DNAJC5B: variants seen among roughly 807,000 people sequenced by gnomAD.
DNAJC5B encodes the protein DnaJ heat shock protein family (Hsp40) member C5 beta.
A neutral mutation model predicts 24.7 loss-of-function variants in DNAJC5B; 23 were observed. The observed-to-expected ratio is 0.93, with a 90% confidence interval of 0.67 to 1.32. DNAJC5B has a LOEUF of 1.32. DNAJC5B is among the 40% of genes most tolerant of loss of function. DNAJC5B has a pLI of 0.00. For synonymous variants in DNAJC5B, 101 were observed against 90.1 expected (o/e 1.12, Z -0.68); for missense variants, 238 against 240.8 (o/e 0.99, Z 0.08).
At chr8:66,091,127 A>G (rs919222849) in intron 5 of DNAJC5B, among the ~76,000 whole-genome samples, 8 of 152,196 alleles carry the variant, frequency 5.3e-5, no homozygotes, top group African/African-American at 1.7e-4. Flanking sequence ...TTTGCTGAGC[A>G]CTTAGTATTT....
chr8:66,080,986 T>A (rs965933075), intron 5 of DNAJC5B, among the ~76,000 whole-genome samples: 1 of 152,118 alleles, frequency 6.6e-6, no homozygotes, highest in African/African-American at 2.4e-5. Context: ...AACCCTTGAC[T>A]TTGCTTCTTT....
upstream of DNAJC5B, among the ~76,000 whole-genome samples, chr8:66,020,595 TGTGTG>T (rs1806088844): frequency 4.2e-3 from 2 of 476 alleles, no homozygotes; most frequent in Non-Finnish European, 4.0e-3. Flanking sequence ...ATCAATACTC[TGTGTG>T]TGTGTGTGTG....
At chr8:66,048,742 C>T (rs1290626067) in intron 2 of DNAJC5B, among the ~76,000 whole-genome samples, 5 of 152,066 alleles carry the variant, frequency 3.3e-5, no homozygotes, top group East Asian at 3.9e-4. Context: ...GATAGAAGGG[C>T]AATAATAGAA....
intron 5 of DNAJC5B, among the ~76,000 whole-genome samples, chr8:66,098,991 C>G (rs192063679): frequency 6.7e-6 from 1 of 149,628 alleles, no homozygotes; most frequent in Non-Finnish European, 1.5e-5. Context: ...CTGTCTGTCT[C>G]TCTCTGTCTC....
At position 66,021,585 on chromosome 8, in the gene DNAJC5B, GA is replaced by G. The variant is rs1342260086; in HGVS notation, c.-261del. ...GCAGTTACTGATATAGCCAAGGTGGGACACTACTGGAGGGAGCTAGAAGGGA... is the reference window on the plus strand; with the variant it reads ...GCAGTTACTGATATAGCCAAGGTGGGCACTACTGGAGGGAGCTAGAAGGGA... On this transcript the variant is annotated 5_prime_UTR_variant, in exon 1 of 6. Transcript: ENST00000276570. 6.6e-6 allele frequency: 1 copy of G among 152,286 alleles called. No individual in the cohort carries two copies. The highest frequency in any genetic ancestry group is 1.5e-5 in the Non-Finnish European group (1 of 68,102). The allele number at this position is 152,286 out of a possible 1,614,324, so 9.4% of individuals were successfully genotyped here.
At chr8:66,064,953 T>C (rs1472677275) in intron 3 of DNAJC5B, among the ~76,000 whole-genome samples, 1 of 152,220 alleles carries the variant, frequency 6.6e-6, no homozygotes, top group Non-Finnish European at 1.5e-5. Context: ...GAAAGCTACC[T>C]TAAAAAAAGA....
At chr8:66,018,582 C>G (rs1202411161), upstream of DNAJC5B, among the ~76,000 whole-genome samples, 1 of 152,086 alleles carries the variant, frequency 6.6e-6, no homozygotes, top group Non-Finnish European at 1.5e-5. Context: ...CTTTGGTTTG[C>G]TCTAAAGTTT....
chr8:66,046,139 G>C (rs1195228667), intron 2 of DNAJC5B, among the ~76,000 whole-genome samples: 1 of 152,142 alleles, frequency 6.6e-6, no homozygotes, highest in Non-Finnish European at 1.5e-5. Context: ...CCAGAGACCA[G>C]GAATCTTCTT....
chr8:66,018,845 T>G (rs1284456397), upstream of DNAJC5B, among the ~76,000 whole-genome samples: 1 of 152,110 alleles, frequency 6.6e-6, no homozygotes, highest in Non-Finnish European at 1.5e-5. Context: ...AATTAGCATT[T>G]CCCCCCACAA....
chr8:66,045,564 T>G (rs543431202), intron 2 of DNAJC5B, among the ~76,000 whole-genome samples: 152 of 152,258 alleles, frequency 1.0e-3, no homozygotes, highest in Admixed American at 3.1e-3. Context: ...AGAAATGGAA[T>G]CTGCCTTTTT....
At chr8:66,068,468 A>G (rs1056988169) in intron 3 of DNAJC5B, among the ~76,000 whole-genome samples, 1 of 152,244 alleles carries the variant, frequency 6.6e-6, no homozygotes, top group South Asian at 2.1e-4. Context: ...AGAAGAAAAT[A>G]CCAAAGAAGA....
upstream of DNAJC5B, among the ~76,000 whole-genome samples, chr8:66,020,454 T>C (rs1055310537): frequency 6.6e-6 from 1 of 152,222 alleles, no homozygotes; most frequent in African/African-American, 2.4e-5. Context: ...TTTAGTATCA[T>C]ATGGGGTTAG....
Position 66,101,081 on chromosome 8 carries a change from A to T in DNAJC5B, c.*1050A>T, listed in dbSNP as rs144057515. Among the ~76,000 whole-genome samples the T allele has an allele frequency of 2.4e-3, 358 of 152,178 alleles. No individual in the cohort carries two copies. Among genetic ancestry groups the T allele is most frequent in the African/African-American group, 8.2e-3 (339 of 41,514 alleles). On this transcript the variant is annotated 3_prime_UTR_variant, in exon 6 of 6. Coordinates refer to ENST00000276570, the MANE Select transcript of DNAJC5B (RefSeq NM_033105.6). ...TTTTATATAATATTGCATTTTCAAG[A>T]TCTTGTTATGTTTTTATATAATATT...
chr8:66,049,067 T>C (rs2128959471), intron 2 of DNAJC5B, among the ~76,000 whole-genome samples: 1 of 152,338 alleles, frequency 6.6e-6, no homozygotes, highest in Admixed American at 6.5e-5. Context: ...GTCTGCAACC[T>C]CTCTGAAGAC....
chr8:66,023,024 G>T (rs1390281102), intron 1 of DNAJC5B, among the ~76,000 whole-genome samples: 1 of 152,174 alleles, frequency 6.6e-6, no homozygotes, highest in African/African-American at 2.4e-5. Flanking sequence ...CCTGATCCTT[G>T]TGTTAGTCAC....
chr8:66,049,524 C>T (rs934028427), intron 2 of DNAJC5B, among the ~76,000 whole-genome samples: 1 of 152,148 alleles, frequency 6.6e-6, no homozygotes, highest in African/African-American at 2.4e-5. Flanking sequence ...AGTCTAGGAG[C>T]AATAGGCTAT....
Position 66,025,939 on chromosome 8 carries a change from G to GT in DNAJC5B, c.-142+4240dup, listed in dbSNP as rs1273138427. The stretch of plus-strand genomic sequence containing the variant: ...CTTTTTTGGTTCCATATGAACTTTA[G>GT]TTTTTTCCAATGCTGTGAAGAAAGT... On this transcript the variant is annotated intron_variant, in intron 1 of 5. Transcript: ENST00000276570. 2.7e-4 allele frequency among the ~76,000 whole-genome samples: 28 copies of GT among 101,850 alleles called. 5 individuals are homozygous for GT. The highest frequency in any genetic ancestry group is 1.7e-5 in the Non-Finnish European group (1 of 58,398). 66.8% of individuals were successfully genotyped at this position (101,850 alleles called of 152,430 possible). A position where few individuals can be genotyped will look rare whatever the true frequency, so the allele number is the denominator to read the frequency against.
rs767412685 is a variant in DNAJC5B at position 66,099,934 on chromosome 8, T to C, written c.506-3T>C. 7 of 1,613,294 alleles carry C rather than the reference T, an allele frequency of 4.3e-6. No individual in the cohort carries two copies. Among genetic ancestry groups the C allele is most frequent in the Middle Eastern group, 1.6e-4 (1 of 6,078 alleles). The stretch of plus-strand genomic sequence containing the variant: ...TTTATTGCTTTGCTTTGTTTATTTT[T>C]AGATGTGGACTTTCCAGTTTTTCTC... On this transcript the variant is annotated splice_region_variant and splice_polypyrimidine_tract_variant and intron_variant, in intron 5 of 5. Coordinates refer to ENST00000276570, the MANE Select transcript of DNAJC5B (RefSeq NM_033105.6).
At chr8:66,047,117 T>C (rs1424234727) in intron 2 of DNAJC5B, among the ~76,000 whole-genome samples, 2 of 152,222 alleles carry the variant, frequency 1.3e-5, no homozygotes, top group Non-Finnish European at 2.9e-5. Context: ...AAGACTTATG[T>C]AGGACGCCAG....
Sources: gnomAD v4.1 joint callset for allele counts (sites outside exome capture counted in the v4.1 genomes callset) on GRCh38, gnomAD v4.1.1 for gene constraint, MANE v1.5 for transcripts, NCBI Gene and HGNC (gene_info 2026-07-23, HGNC 2026-07-21) for gene names.